The following COL25A1 variants were observed in gnomAD, a reference collection of about 807,000 sequenced individuals.
COL25A1 encodes collagen type XXV alpha 1 chain, also known as collagen alpha-1(XXV) chain.
Under a neutral mutation model 128.4 loss-of-function variants are expected in COL25A1, and 103 were observed. The ratio of observed to expected loss-of-function variants is 0.80; its 90% CI spans 0.68 to 0.94. The LOEUF (loss-of-function observed/expected upper bound fraction) is 0.94, where lower values mean the gene tolerates loss of function less well. Among genes scored for constraint, COL25A1 ranks in the 40% least tolerant of loss-of-function variants. COL25A1 has a pLI of 0.00. For synonymous variants in COL25A1, 279 were observed against 277.2 expected (o/e 1.01, Z -0.06); for missense variants, 745 against 840.0 (o/e 0.89, Z 1.40).
intron 6 of COL25A1, among the ~76,000 whole-genome samples, chr4:108,999,419 C>G (rs1755131723): frequency 6.6e-6 from 1 of 152,114 alleles, no homozygotes; most frequent in South Asian, 2.1e-4. Context: ...CAATGAGATA[C>G]CATCTCACAC....
intron 32 of COL25A1, among the ~76,000 whole-genome samples, chr4:108,832,115 G>A (rs1051847765): frequency 6.6e-6 from 1 of 152,148 alleles, no homozygotes; most frequent in Non-Finnish European, 1.5e-5. Flanking sequence ...TTCCTTATGG[G>A]TGAAGGAAGA....
chr4:109,031,224 G>C (rs1436700296), intron 5 of COL25A1, among the ~76,000 whole-genome samples: 1 of 152,134 alleles, frequency 6.6e-6, no homozygotes, highest in Non-Finnish European at 1.5e-5. Context: ...CCATTCTCTC[G>C]CCTCAGCCTT....
chr4:109,076,806 C>T (rs538506385), intron 3 of COL25A1, among the ~76,000 whole-genome samples: 2 of 151,918 alleles, frequency 1.3e-5, no homozygotes, highest in Admixed American at 6.6e-5. Context: ...TCATAAGGAA[C>T]GCACAACCTA....
chr4:109,276,028 C>A (rs1050266676), intron 3 of COL25A1, among the ~76,000 whole-genome samples: 3 of 152,176 alleles, frequency 2.0e-5, no homozygotes, highest in Non-Finnish European at 4.4e-5. Flanking sequence ...TCACTCTTCT[C>A]CTCCATATAT....
At chr4:108,825,174 G>A (rs1463887836) in intron 34 of COL25A1, 22 bp downstream of exon 34, 1 of 1,588,852 alleles carries the variant, frequency 6.3e-7, no homozygotes, top group Non-Finnish European at 8.6e-7. Flanking sequence ...ATAGGATGAT[G>A]TTTATTGTAC....
At chr4:108,872,389 T>C (rs1234002001) in intron 19 of COL25A1, among the ~76,000 whole-genome samples, 1 of 152,092 alleles carries the variant, frequency 6.6e-6, no homozygotes, top group Non-Finnish European at 1.5e-5. Context: ...GCACTCCAGC[T>C]CAGGCAACAG....
intron 3 of COL25A1, among the ~76,000 whole-genome samples, chr4:109,141,210 G>A (rs1770372135): frequency 6.6e-6 from 1 of 152,152 alleles, no homozygotes. Flanking sequence ...TTGGTCATTG[G>A]TTCTGTTTAT....
chr4:109,031,506 A>G (rs953675149), intron 5 of COL25A1, among the ~76,000 whole-genome samples: 3 of 152,198 alleles, frequency 2.0e-5, no homozygotes, highest in Non-Finnish European at 4.4e-5. Context: ...GTCACCCACC[A>G]GGTCACAAAA....
intron 32 of COL25A1, among the ~76,000 whole-genome samples, chr4:108,829,400 T>G (rs1012430131): frequency 2.8e-5 from 4 of 145,382 alleles, no homozygotes; most frequent in African/African-American, 1.0e-4. Flanking sequence ...TCTATCTATC[T>G]ATCTATCTAT....
chr4:109,253,875 C>T (rs1247187872), intron 3 of COL25A1, among the ~76,000 whole-genome samples: 2 of 152,110 alleles, frequency 1.3e-5, no homozygotes, highest in East Asian at 3.9e-4. Context: ...ATCACGAGGT[C>T]AGGAGATTGA....
rs116689180 is a variant in COL25A1, at chr4:109,209,925, C to A, written c.367+90658G>T. ...AATTAGCCAGGCGTAATGGTGGACA[C>A]CTACAGTCCCAGCTATTCGGGAGGC... On this transcript the variant is annotated intron_variant, in intron 3 of 37. Transcript: ENST00000399132. 8.7e-3 allele frequency among the ~76,000 whole-genome samples: 1,328 copies of A among 151,976 alleles called. 58 individuals are homozygous for A. The South Asian group carries it at 0.14, about 16-fold the overall frequency.
intron 3 of COL25A1, among the ~76,000 whole-genome samples, chr4:109,195,074 C>T (rs1481278348): frequency 1.3e-5 from 2 of 151,964 alleles, no homozygotes; most frequent in South Asian, 2.1e-4. Flanking sequence ...CTCATGTACC[C>T]CATAAATATA....
At chr4:109,252,741 A>G (rs1332611599) in intron 3 of COL25A1, among the ~76,000 whole-genome samples, 1 of 152,156 alleles carries the variant, frequency 6.6e-6, no homozygotes, top group Non-Finnish European at 1.5e-5. Context: ...TTCCAAGCAA[A>G]GTTTACAACC....
At chr4:109,212,796 C>T (rs1007965607) in intron 3 of COL25A1, among the ~76,000 whole-genome samples, 4 of 152,046 alleles carry the variant, frequency 2.6e-5, no homozygotes, top group Non-Finnish European at 5.9e-5. Flanking sequence ...AGAGTAAATA[C>T]AATAGCAGTA....
At chr4:108,838,628 A>C (rs953894103) in intron 31 of COL25A1, among the ~76,000 whole-genome samples, 1 of 152,224 alleles carries the variant, frequency 6.6e-6, no homozygotes, top group Admixed American at 6.5e-5. Context: ...ATGTTGCCCA[A>C]GGGAATGAAC....
At chr4:109,007,739 T>C (rs777478353) in intron 6 of COL25A1, among the ~76,000 whole-genome samples, 23 of 152,182 alleles carry the variant, frequency 1.5e-4, no homozygotes, top group Non-Finnish European at 2.4e-4. Flanking sequence ...TTTTCCAGCA[T>C]AGGCAGTTAG....
chr4:109,045,013 C>A (rs1045536436), intron 5 of COL25A1, among the ~76,000 whole-genome samples: 1 of 152,130 alleles, frequency 6.6e-6, no homozygotes, highest in Non-Finnish European at 1.5e-5. Flanking sequence ...AACGCCTTTT[C>A]GTCCTTCTCC....
intron 6 of COL25A1, among the ~76,000 whole-genome samples, chr4:109,009,101 A>G (rs1648018): frequency 0.51 from 77,693 of 152,082 alleles, 22,603 homozygotes; most frequent in African/African-American, 0.78. Flanking sequence ...CAGCCTGGGC[A>G]ACAGAGCAAG....
In COL25A1 at chr4:108,863,390, G is replaced by A; in HGVS notation, c.1084-3C>T. ...GGCCCTGCTTCCCCCCGTTCACCCT[G>A]TCACAAATTGCAAAACAGGTAAATG... On this transcript the variant is annotated splice_region_variant and splice_polypyrimidine_tract_variant and intron_variant, in intron 20 of 37. Transcript: ENST00000399132. 6.2e-7 allele frequency: 1 copy of A among 1,613,188 alleles called. No homozygotes were observed. The highest frequency in any genetic ancestry group is 8.5e-7 in the Non-Finnish European group (1 of 1,179,654).
Sources: gnomAD v4.1 joint callset for allele counts (sites outside exome capture counted in the v4.1 genomes callset) on GRCh38, gnomAD v4.1.1 for gene constraint, MANE v1.5 for transcripts, NCBI Gene and HGNC (gene_info 2026-07-23, HGNC 2026-07-21) for gene names.